Variants in ANKRD30B observed in about 807,000 individuals in gnomAD.
ANKRD30B encodes the protein ankyrin repeat domain-containing protein 30B.
ANKRD30B carries 144 observed loss-of-function variants against 202.2 expected under a neutral mutation model. The ratio of observed to expected loss-of-function variants is 0.71; its 90% CI spans 0.62 to 0.82. The LOEUF is 0.82. Ranked by LOEUF, ANKRD30B falls within the 40% of genes least tolerant of loss-of-function variation. ANKRD30B has a pLI of 0.00. For missense variants in ANKRD30B, 1,487 were observed against 1,669.1 expected (o/e 0.89, Z 1.90); for synonymous variants, 508 against 561.3 (o/e 0.91, Z 1.34).
At chr18:14,816,982 CATT>C (rs1343038883) in intron 30 of ANKRD30B, 1 of 152,100 alleles carries the variant, frequency 6.6e-6, no homozygotes, top group Non-Finnish European at 1.5e-5. Flanking sequence ...GGAGGGATAG[CATT>C]AGGAGATATA....
At chr18:14,821,547 T>A (rs148769632) in intron 30 of ANKRD30B, among the ~76,000 whole-genome samples, 178 of 152,332 alleles carry the variant, frequency 1.2e-3, no homozygotes, top group African/African-American at 3.9e-3. Context: ...CACCTCCGCC[T>A]CCTGGGTTCA....
intron 16 of ANKRD30B, among the ~76,000 whole-genome samples, chr18:14,794,292 C>T (rs1245014409): frequency 6.6e-6 from 1 of 151,494 alleles, no homozygotes; most frequent in African/African-American, 2.4e-5. Flanking sequence ...AGTTTTCAAC[C>T]ATAAATAGGA....
chr18:14,837,810 T>A, intron 36 of ANKRD30B, 134 bp downstream of exon 36: 2 of 1,048,356 alleles, frequency 1.9e-6, no homozygotes, highest in Non-Finnish European at 2.7e-6. Flanking sequence ...GGTCAGGAGA[T>A]CGAGACCATC....
rs1376678534 is a variant in ANKRD30B at position 14,797,706 on chromosome 18, C to T, written c.1956+17C>T. ...CTTCTGAAGGTAATAGCTTTTATGTCTCTATCTTGAATATTAACTACATAT... is the reference window on the plus strand; with the variant it reads ...CTTCTGAAGGTAATAGCTTTTATGTTTCTATCTTGAATATTAACTACATAT... On this transcript the variant is annotated intron_variant, in intron 19 of 43. Coordinates refer to ENST00000690538, the MANE Select transcript of ANKRD30B (RefSeq NM_001367607.2). 2.5e-6 allele frequency: 4 copies of T among 1,608,866 alleles called. No homozygotes were observed. The highest frequency in any genetic ancestry group is 2.7e-5 in the African/African-American group (2 of 74,724).
At chr18:14,891,351 C>T in the ANKRD30B span, among the ~76,000 whole-genome samples, 2 of 145,430 alleles carry the variant, frequency 1.4e-5, no homozygotes, top group African/African-American at 5.1e-5. Flanking sequence ...ATTTGCCTCA[C>T]ATATATGTTG....
the ANKRD30B span, among the ~76,000 whole-genome samples, chr18:14,860,854 A>G: frequency 0.99 from 151,235 of 152,024 alleles, 75,227 homozygotes; most frequent in Middle Eastern, 1. Context: ...GCAGGTGTGC[A>G]CCACCACACT....
At chr18:14,774,692 G>C (rs1446537006) in intron 9 of ANKRD30B, among the ~76,000 whole-genome samples, 1 of 151,872 alleles carries the variant, frequency 6.6e-6, no homozygotes, top group Non-Finnish European at 1.5e-5. Context: ...CCACACAAGA[G>C]GTAATTAATA....
intron 3 of ANKRD30B, among the ~76,000 whole-genome samples, chr18:14,753,340 A>G (rs1913776484): frequency 6.6e-6 from 1 of 152,142 alleles, no homozygotes; most frequent in Non-Finnish European, 1.5e-5. Flanking sequence ...TTGAGTCAAC[A>G]TGTAAAATTT....
At chr18:14,915,729 T>C in the ANKRD30B span, 2 of 152,208 alleles carry the variant, frequency 1.3e-5, no homozygotes, top group Non-Finnish European at 2.9e-5. Flanking sequence ...ATGCTGTTTT[T>C]TATCTTAATA....
chr18:14,793,680 G>A (rs1334954981), intron 16 of ANKRD30B, among the ~76,000 whole-genome samples: 3 of 152,028 alleles, frequency 2.0e-5, no homozygotes, highest in Non-Finnish European at 4.4e-5. Context: ...GGATCACGAG[G>A]TCAGGAGATC....
chr18:14,883,705 A>G, the ANKRD30B span: 10 of 151,442 alleles, frequency 6.6e-5, no homozygotes, highest in African/African-American at 2.4e-4. Context: ...TGGCAGGGTA[A>G]TTTGCTTCAT....
At chr18:14,874,640 AGTGGTTAGCAGG>A in the ANKRD30B span, among the ~76,000 whole-genome samples, 1 of 152,192 alleles carries the variant, frequency 6.6e-6, no homozygotes. Flanking sequence ...AATAGATGAA[AGTGGTTAGCAGG>A]GACCAGAAAG....
intron 7 of ANKRD30B, among the ~76,000 whole-genome samples, chr18:14,764,829 C>T (rs1915850532): frequency 6.6e-6 from 1 of 152,132 alleles, no homozygotes. Flanking sequence ...CAATAATCTT[C>T]CTGTAACATT....
the ANKRD30B span, among the ~76,000 whole-genome samples, chr18:14,893,247 T>G: frequency 6.6e-6 from 1 of 152,180 alleles, no homozygotes; most frequent in Non-Finnish European, 1.5e-5. Context: ...GCAATTAACA[T>G]TATCACTCTT....
At chr18:14,925,723 G>A in the ANKRD30B span, among the ~76,000 whole-genome samples, 90 of 152,278 alleles carry the variant, frequency 5.9e-4, 1 homozygote, top group African/African-American at 2.1e-3. Flanking sequence ...CCTGGAGGCT[G>A]GGGCTCCCAG....
chr18:14,846,510 G>A (rs1473816799), intron 39 of ANKRD30B, among the ~76,000 whole-genome samples: 1 of 151,588 alleles, frequency 6.6e-6, no homozygotes, highest in East Asian at 1.9e-4. Context: ...TACCACTTGA[G>A]CAAGGGGTTT....
intron 24 of ANKRD30B, chr18:14,808,251 G>A (rs1489169993): frequency 1.1e-5 from 4 of 378,194 alleles, no homozygotes; most frequent in East Asian, 6.4e-5. Context: ...TTCCCTATAC[G>A]GCAGATTAAT....
At chr18:14,761,710 T>TTTTATTTA (rs538761255) in intron 6 of ANKRD30B, among the ~76,000 whole-genome samples, 1 of 152,104 alleles carries the variant, frequency 6.6e-6, no homozygotes, top group African/African-American at 2.4e-5. Context: ...AGAAACATGG[T>TTTTATTTA]TTTATTTATT....
the ANKRD30B span, among the ~76,000 whole-genome samples, chr18:14,860,024 C>T: frequency 4.1e-5 from 6 of 146,654 alleles, no homozygotes; most frequent in South Asian, 1.1e-3. Flanking sequence ...GGCAGAGGCG[C>T]TCCTCACAAC....
Sources: gnomAD v4.1 joint callset for allele counts (sites outside exome capture counted in the v4.1 genomes callset) on GRCh38, gnomAD v4.1.1 for gene constraint, MANE v1.5 for transcripts, NCBI Gene and HGNC (gene_info 2026-07-23, HGNC 2026-07-21) for gene names.